HIVEP3: variants seen among roughly 807,000 people sequenced by gnomAD.
HIVEP3 encodes transcription factor HIVEP3.
HIVEP3 carries 49 observed loss-of-function variants against 152.8 expected under a neutral mutation model. That is an observed-to-expected ratio of 0.32 (90% CI 0.26 to 0.41). HIVEP3 has a LOEUF of 0.41. Ranked by LOEUF, HIVEP3 falls within the 10% of genes least tolerant of loss-of-function variation. The pLI is 1.00. For synonymous variants in HIVEP3, 1,269 were observed against 1,289.0 expected (o/e 0.98, Z 0.33); for missense variants, 2,790 against 3,103.3 (o/e 0.90, Z 2.40).
intron 1 of HIVEP3, among the ~76,000 whole-genome samples, chr1:41,756,038 A>G (rs973854572): frequency 6.6e-6 from 1 of 152,248 alleles, no homozygotes; most frequent in Non-Finnish European, 1.5e-5. Context: ...GAATGCTCAC[A>G]GCAGCCTTGT....
At chr1:41,611,838 C>T (rs977286929) in intron 3 of HIVEP3, among the ~76,000 whole-genome samples, 8 of 152,214 alleles carry the variant, frequency 5.3e-5, no homozygotes, top group African/African-American at 1.9e-4. Context: ...ACCTTTCCCG[C>T]CCTGACATTC....
In HIVEP3 at chr1:41,596,578, C is replaced by T. The variant is rs557035337; in HGVS notation, c.-521-11260G>A. 1.3e-4 allele frequency among the ~76,000 whole-genome samples: 20 copies of T among 152,298 alleles called. No individual in the cohort carries two copies. In the East Asian group the frequency reaches 3.7e-3, roughly 28 times the overall value. On this transcript the variant is annotated intron_variant, in intron 3 of 8. Transcript: ENST00000372583. ...CCATTCAGATTTGCATTTCCAGTGC[C>T]TGATACAGAACTCCACACTCAGTAA...
At chr1:41,942,974 A>G (rs1277636158) in intron 1 of HIVEP3, among the ~76,000 whole-genome samples, 1 of 151,868 alleles carries the variant, frequency 6.6e-6, no homozygotes, top group Non-Finnish European at 1.5e-5. Flanking sequence ...AACTTGGCTC[A>G]CTGCAAGCTC....
intron 1 of HIVEP3, among the ~76,000 whole-genome samples, chr1:41,906,264 G>A (rs958978441): frequency 4.6e-5 from 7 of 151,462 alleles, no homozygotes; most frequent in South Asian, 4.2e-4. Context: ...AGCTGAGATC[G>A]CACCACTGCA....
At chr1:41,964,001 A>G (rs76869226) in intron 1 of HIVEP3, among the ~76,000 whole-genome samples, 2,643 of 152,332 alleles carry the variant, frequency 0.017, 42 homozygotes, top group Non-Finnish European at 0.027. Flanking sequence ...TGTCCTTCCA[A>G]GAAGATATGT....
At chr1:41,547,751 T>G (rs993170727) in intron 5 of HIVEP3, among the ~76,000 whole-genome samples, 10 of 152,234 alleles carry the variant, frequency 6.6e-5, no homozygotes, top group Non-Finnish European at 4.4e-5. Flanking sequence ...AATTTTCATG[T>G]ATTCATTGCC....
At chr1:42,012,429 A>T (rs1400671268) in intron 1 of HIVEP3, among the ~76,000 whole-genome samples, 1 of 80,008 alleles carries the variant, frequency 1.2e-5, no homozygotes, top group Non-Finnish European at 2.9e-5. Context: ...TGGAGCCCTT[A>T]TAAGAGGAAG....
At position 41,664,473 on chromosome 1, in the gene HIVEP3, A is replaced by G. The variant is rs1645764174; in HGVS notation, c.-720-35526T>C. Among the ~76,000 whole-genome samples, 1 of 152,198 alleles carries G rather than the reference A, an allele frequency of 6.6e-6. No homozygotes were observed. Among genetic ancestry groups the G allele is most frequent in the Non-Finnish European group, 1.5e-5 (1 of 68,030 alleles). On this transcript the variant is annotated intron_variant, in intron 2 of 8. Transcript: ENST00000372583. This position sits in a 1 kb window ranked among gnomAD's most constrained non-coding sequence, Gnocchi z 4.4. ...CTTCCATGATGCCACAGGCAACTCAATAGTTCCTGCCTCTACAGACTTGCC... is the reference window on the plus strand; with the variant it reads ...CTTCCATGATGCCACAGGCAACTCAGTAGTTCCTGCCTCTACAGACTTGCC...
At chr1:42,013,089 C>T (rs1211591205) in intron 1 of HIVEP3, among the ~76,000 whole-genome samples, 1 of 152,208 alleles carries the variant, frequency 6.6e-6, no homozygotes, top group Non-Finnish European at 1.5e-5. Flanking sequence ...ACCACATTTG[C>T]TCCTCCCGAG....
chr1:41,941,870 C>A (rs1645047899), intron 1 of HIVEP3, among the ~76,000 whole-genome samples: 1 of 152,176 alleles, frequency 6.6e-6, no homozygotes, highest in African/African-American at 2.4e-5. Flanking sequence ...CAGGTATCTC[C>A]CTGCTACTGG....
chr1:41,620,998 C>T (rs570452472), intron 3 of HIVEP3, among the ~76,000 whole-genome samples: 1 of 152,322 alleles, frequency 6.6e-6, no homozygotes, highest in African/African-American at 2.4e-5. Flanking sequence ...CAGCCCCACA[C>T]CTGCAAGTAA....
At chr1:41,765,892 A>C (rs1647977280) in intron 1 of HIVEP3, among the ~76,000 whole-genome samples, 1 of 152,014 alleles carries the variant, frequency 6.6e-6, no homozygotes, top group Admixed American at 6.6e-5. Context: ...CTTTGCGGGG[A>C]GCACCCCTGT....
intron 5 of HIVEP3, among the ~76,000 whole-genome samples, chr1:41,562,289 C>G (rs1356441726): frequency 6.6e-6 from 1 of 152,198 alleles, no homozygotes. Context: ...AGGTTCCCAC[C>G]TGTGCCTCCA....
chr1:41,518,268 G>T, intron 7 of HIVEP3, 134 bp downstream of exon 7: 1 of 773,490 alleles, frequency 1.3e-6, no homozygotes, highest in South Asian at 1.4e-5. Flanking sequence ...TGAAGCTATT[G>T]GAGGGAGAGA....
At chr1:41,633,754 C>G (rs1013276653) in intron 2 of HIVEP3, among the ~76,000 whole-genome samples, 10 of 152,132 alleles carry the variant, frequency 6.6e-5, no homozygotes, top group Admixed American at 4.6e-4. Flanking sequence ...ACCAAGCCCC[C>G]ACATTGACAC....
chr1:41,687,637 G>A (rs988637883), intron 2 of HIVEP3, among the ~76,000 whole-genome samples: 7 of 152,232 alleles, frequency 4.6e-5, no homozygotes, highest in Non-Finnish European at 1.5e-5. Flanking sequence ...GGTGCACGGC[G>A]ATGCTGGGAG....
intron 6 of HIVEP3, among the ~76,000 whole-genome samples, chr1:41,521,838 C>A (rs1488737085): frequency 6.6e-6 from 1 of 152,264 alleles, no homozygotes; most frequent in East Asian, 1.9e-4. Flanking sequence ...CATCTCTGTC[C>A]CCTGAGGCGA....
intron 1 of HIVEP3, among the ~76,000 whole-genome samples, chr1:41,892,587 C>T (rs1385472575): frequency 1.3e-5 from 2 of 152,182 alleles, no homozygotes; most frequent in Non-Finnish European, 2.9e-5. Flanking sequence ...GACATGGCAA[C>T]GATAAATGTT....
intron 5 of HIVEP3, among the ~76,000 whole-genome samples, chr1:41,547,943 C>T (rs1255939206): frequency 1.3e-5 from 2 of 151,840 alleles, no homozygotes; most frequent in Non-Finnish European, 3.0e-5. Flanking sequence ...GCCTCCCTAG[C>T]ACCCCTTTCC....
Sources: allele counts gnomAD v4.1 joint callset (sites outside exome capture counted in the v4.1 genomes callset), GRCh38; gene constraint gnomAD v4.1.1; non-coding constraint Gnocchi (gnomAD v3.1); transcripts MANE v1.5; gene names NCBI Gene and HGNC (gene_info 2026-07-23, HGNC 2026-07-21).